Variants in SREK1 observed in about 807,000 individuals in gnomAD.
SREK1 encodes the protein splicing regulatory glutamic acid and lysine rich protein 1.
A neutral mutation model predicts 66.5 loss-of-function variants in SREK1; 13 were observed. That is an observed-to-expected ratio of 0.20 (90% confidence interval 0.13 to 0.31). SREK1 has a LOEUF of 0.31. Among genes scored for constraint, SREK1 ranks in the 10% least tolerant of loss-of-function variants. The pLI, the probability that SREK1 is intolerant of heterozygous loss-of-function variation, is 1.00. For missense variants in SREK1, 607 were observed against 769.6 expected (o/e 0.79, Z 2.50); for synonymous variants, 265 against 263.5 (o/e 1.01, Z -0.05).
rs1561519870 is a variant in SREK1 at position 66,177,635 on chromosome 5, G to A, written c.1702G>A (p.Glu568Lys). Residue 568 changes from glutamate (E) to lysine (K), a missense_variant, in exon 11 of 12, where the codon GAG (glutamate) becomes AAG (lysine). This residue lies in a region of SREK1 where 318 missense variants were observed against 310.3 expected (regional missense o/e 1.02). Coordinates refer to ENST00000334121, the MANE Select transcript of SREK1 (RefSeq NM_001077199.3). Reference sequence around the variant, plus strand: ...TGATAGAGATGGGAAGGAGAAGTTGGAGAAGAACAGTACTTCACTTAAAGT... The same window carrying A: ...TGATAGAGATGGGAAGGAGAAGTTGAAGAAGAACAGTACTTCACTTAAAGT... Reference protein sequence around the residue: ...SNDRDGKEKLEKNSTSLKEKE... With the variant: ...SNDRDGKEKLKKNSTSLKEKE... 1 of 1,605,254 alleles carries A rather than the reference G, an allele frequency of 6.2e-7. No homozygotes were observed. The highest frequency in any genetic ancestry group is 1.1e-5 in the South Asian group (1 of 89,138).
chr5:66,172,824 ATTTT>A (rs762670649), intron 9 of SREK1, among the ~76,000 whole-genome samples: 1 of 118,222 alleles, frequency 8.5e-6, no homozygotes. Context: ...ATTTCTTTGA[ATTTT>A]TTTTTTTTTT....
intron 1 of SREK1, 111 bp from the exon 2 acceptor site, chr5:66,153,352 A>G (rs1239910129): frequency 1.1e-5 from 15 of 1,388,088 alleles, no homozygotes; most frequent in Admixed American, 9.5e-5. Context: ...AAAAAGTTTT[A>G]AAGTCTTAAT....
intron 1 of SREK1, among the ~76,000 whole-genome samples, chr5:66,147,091 A>G (rs1012364514): frequency 2.6e-5 from 4 of 152,148 alleles, no homozygotes. Context: ...AGTTGCTAAT[A>G]TGAAAATTCA....
chr5:66,155,094 A>G (rs1391693082), intron 2 of SREK1, among the ~76,000 whole-genome samples: 3 of 138,120 alleles, frequency 2.2e-5, no homozygotes, highest in African/African-American at 7.7e-5. Context: ...CTTTATTCCC[A>G]TAGAATCTTT....
At chr5:66,163,625 T>G in intron 5 of SREK1, 167 bp from the exon 6 acceptor site, 16 of 570,010 alleles carry the variant, frequency 2.8e-5, no homozygotes, top group Non-Finnish European at 3.9e-5. Context: ...GAAGTGGGGA[T>G]GAGAGATTAA....
At chr5:66,144,693 C>A in intron 1 of SREK1, 156 bp downstream of exon 1, 1 of 1,343,772 alleles carries the variant, frequency 7.4e-7, no homozygotes, top group Non-Finnish European at 9.8e-7. Flanking sequence ...CACCCGGGTT[C>A]CGCCGTCCTG....
intron 9 of SREK1, among the ~76,000 whole-genome samples, chr5:66,173,650 T>G (rs1002567223): frequency 2.0e-5 from 3 of 152,212 alleles, no homozygotes; most frequent in African/African-American, 7.2e-5. Flanking sequence ...CTAGTAGGTA[T>G]TAGACATCCA....
Position 66,178,985 on chromosome 5 carries a change from C to A in SREK1, c.*117C>A. ...TGAGCATGAAGATAGGATCTAACAG[C>A]TTTTCCAGTTGTTAGATGACTTTGT... On this transcript the variant is annotated 3_prime_UTR_variant, in exon 12 of 12. Coordinates refer to ENST00000334121, the MANE Select transcript of SREK1 (RefSeq NM_001077199.3). 8.5e-7 allele frequency: 1 copy of A among 1,174,616 alleles called. No homozygotes were observed. Among genetic ancestry groups the A allele is most frequent in the Non-Finnish European group, 1.1e-6 (1 of 889,370 alleles). The allele number at this position is 1,174,616 out of a possible 1,614,324, so 72.8% of individuals were successfully genotyped here.
In SREK1 at chr5:66,179,855, A is replaced by T. The variant is rs1372230542; in HGVS notation, c.*987A>T. 1 of 152,556 alleles carries T rather than the reference A, an allele frequency of 6.6e-6. No individual in the cohort carries two copies. Among genetic ancestry groups the T allele is most frequent in the Non-Finnish European group, 1.5e-5 (1 of 67,990 alleles). 9.5% of individuals were successfully genotyped at this position (152,556 alleles called of 1,614,324 possible). A position where few individuals can be genotyped will look rare whatever the true frequency, so the allele number is the denominator to read the frequency against. On this transcript the variant is annotated 3_prime_UTR_variant, in exon 12 of 12. Transcript: ENST00000334121. Reference sequence around the variant, plus strand: ...CTAGATGGATATTTCATGCATACCCATAGAGAAGTGTGTAAGTGATATGTC... The same window carrying T: ...CTAGATGGATATTTCATGCATACCCTTAGAGAAGTGTGTAAGTGATATGTC...
In SREK1 at chr5:66,162,657, G is replaced by C. The variant is rs1188632997; in HGVS notation, c.755+65G>C. 1.5e-5 allele frequency: 22 copies of C among 1,468,958 alleles called. No homozygotes were observed. In the East Asian group the frequency reaches 4.9e-4, roughly 33 times the overall value. The allele number at this position is 1,468,958 out of a possible 1,614,324, so 91.0% of individuals were successfully genotyped here. A position where few individuals can be genotyped will look rare whatever the true frequency, so the allele number is the denominator to read the frequency against. ...ACATTTAAAGTATTTTTGATGTAAT[G>C]AAGGCTTTTTTTTTCTTTTTAATAG... On this transcript the variant is annotated intron_variant, in intron 5 of 11. Coordinates refer to ENST00000334121, the MANE Select transcript of SREK1 (RefSeq NM_001077199.3).
chr5:66,170,153 G>T lies in SREK1; in HGVS notation c.1104G>T (p.Arg368Ser). The T allele has an allele frequency of 6.2e-7, 1 of 1,611,794 alleles. No homozygotes were observed. The highest frequency in any genetic ancestry group is 8.5e-7 in the Non-Finnish European group (1 of 1,179,066). The change falls in exon 8 of 12, where the codon AGG (arginine) becomes AGT (serine). Residue 368 changes from arginine to serine, a missense_variant. By Grantham distance (110) the Arg-to-Ser change is moderately radical. Transcript: ENST00000334121. ...AATCAAGGGAGAGACGGAAGTCAAG[G>T]AGTCGTTCGCATTCACGGTGAGTTT... ...RSKSRERRKS[R>S]SRSHSRDKRK...
rs896903229 is a variant in SREK1 at position 66,181,699 on chromosome 5, GC to G, written c.*2832del. ...CAAAACTTTTAAATCCTGAAGTTCT[GC>G]AGTTATCATCTTAGTTATTTTCTAT... On this transcript the variant is annotated 3_prime_UTR_variant, in exon 12 of 12. Transcript: ENST00000334121. 24 of 152,034 alleles carry G rather than the reference GC, an allele frequency of 1.6e-4. No homozygotes were observed. The highest frequency in any genetic ancestry group is 5.8e-4 in the African/African-American group (24 of 41,392). The allele number at this position is 152,034 out of a possible 1,614,324, so 9.4% of individuals were successfully genotyped here. A position where few individuals can be genotyped will look rare whatever the true frequency, so the allele number is the denominator to read the frequency against.
chr5:66,153,642 C>G (rs1287729902), intron 2 of SREK1, 46 bp downstream of exon 2: 3 of 1,612,040 alleles, frequency 1.9e-6, no homozygotes, highest in Non-Finnish European at 2.5e-6. Context: ...TCTGTCCTGT[C>G]TGTTATTGCC....
chr5:66,170,222 G>C, intron 8 of SREK1, 52 bp downstream of exon 8: 1 of 1,559,880 alleles, frequency 6.4e-7, no homozygotes, highest in Non-Finnish European at 8.7e-7. Context: ...AGTTCTGTTA[G>C]TGCTAAGGGA....
rs1246451087 is a variant in SREK1 at position 66,180,732 on chromosome 5, A to G, written c.*1864A>G. Reference sequence around the variant, plus strand: ...TGGCTGGTAAACAGCTTATTCTGATACAAGAATGCTTGGGTGCATATGGAA... The same window carrying G: ...TGGCTGGTAAACAGCTTATTCTGATGCAAGAATGCTTGGGTGCATATGGAA... On this transcript the variant is annotated 3_prime_UTR_variant, in exon 12 of 12. Coordinates refer to ENST00000334121, the MANE Select transcript of SREK1 (RefSeq NM_001077199.3). 6.6e-6 allele frequency: 1 copy of G among 152,632 alleles called. No homozygotes were observed. Among genetic ancestry groups the G allele is most frequent in the East Asian group, 1.9e-4 (1 of 5,206 alleles). 9.5% of individuals were successfully genotyped at this position (152,632 alleles called of 1,614,324 possible).
At chr5:66,162,619 T>G in intron 5 of SREK1, 27 bp downstream of exon 5, 1 of 1,552,510 alleles carries the variant, frequency 6.4e-7, no homozygotes, top group African/African-American at 1.4e-5. Context: ...AAAGAAATTT[T>G]AATGATTTTG....
At chr5:66,177,478 T>C in intron 10 of SREK1, 36 bp from the exon 11 acceptor site, 2 of 1,483,388 alleles carry the variant, frequency 1.3e-6, no homozygotes, top group Non-Finnish European at 1.8e-6. Context: ...TCTTACAATT[T>C]CTTAGAATTT....
rs780109771 is a variant in SREK1 at position 66,178,759 on chromosome 5, A to C, written c.1766A>C (p.Lys589Thr). 3.7e-6 allele frequency: 6 copies of C among 1,612,526 alleles called. No individual in the cohort carries two copies. In the South Asian group the frequency reaches 6.6e-5, roughly 18 times the overall value. The change falls in exon 12 of 12, where the codon AAA becomes ACA. Residue 589 changes from lysine to threonine, a missense_variant. Coordinates refer to ENST00000334121, the MANE Select transcript of SREK1 (RefSeq NM_001077199.3). ...AAAGAACCAGATTCAAGTGTGAGCAAAGAAGTAGATGACAAGGATGCACCA... is the reference window on the plus strand; with the variant it reads ...AAAGAACCAGATTCAAGTGTGAGCACAGAAGTAGATGACAAGGATGCACCA... ...HNKEPDSSVS[K>T]EVDDKDAPRT...
Position 66,144,347 on chromosome 5 carries a change from G to T in SREK1, c.-30G>T, listed in dbSNP as rs1340309298. On this transcript the variant is annotated 5_prime_UTR_variant, in exon 1 of 12. Coordinates refer to ENST00000334121, the MANE Select transcript of SREK1 (RefSeq NM_001077199.3). ...TCGCTGACGCGTCGTAGACGTTGGG[G>T]AGCGGGAAGGCAACGGCAGCGGGAT... is the stretch of plus-strand genomic sequence containing the variant. 6.6e-7 allele frequency: 1 copy of T among 1,505,226 alleles called. No individual in the cohort carries two copies. The highest frequency in any genetic ancestry group is 9.0e-7 in the Non-Finnish European group (1 of 1,112,156). The allele number at this position is 1,505,226 out of a possible 1,614,324, so 93.2% of individuals were successfully genotyped here.
Sources: gnomAD v4.1 joint callset for allele counts (sites outside exome capture counted in the v4.1 genomes callset) on GRCh38, gnomAD v4.1.1 for gene constraint, gnomAD v4.1.1 regional missense constraint, MANE v1.5 for transcripts, NCBI Gene and HGNC (gene_info 2026-07-23, HGNC 2026-07-21) for gene names.